Variants in NRIP1 observed in about 807,000 individuals in gnomAD.
The protein encoded by NRIP1 is nuclear receptor-interacting protein 1.
NRIP1 carries 28 observed loss-of-function variants against 75.0 expected under a neutral mutation model. The ratio of observed to expected loss-of-function variants is 0.37; its 90% confidence interval spans 0.28 to 0.51. NRIP1 has a LOEUF of 0.51. Ranked by LOEUF, NRIP1 falls within the 20% of genes least tolerant of loss-of-function variation. The pLI, the probability that NRIP1 is intolerant of heterozygous loss-of-function variation, is 0.92. For synonymous variants in NRIP1, 526 were observed against 487.6 expected (o/e 1.08, Z -1.04); for missense variants, 1,435 against 1,343.7 (o/e 1.07, Z -1.06).
intron 3 of NRIP1, among the ~76,000 whole-genome samples, chr21:14,969,681 A>G (rs955255675): frequency 1.3e-5 from 2 of 152,224 alleles, no homozygotes; most frequent in South Asian, 2.1e-4. Flanking sequence ...CTTGGTCCCT[A>G]TGGAATTTAA....
chr21:14,996,883 T>C (rs2087743361), intron 3 of NRIP1, among the ~76,000 whole-genome samples: 1 of 151,798 alleles, frequency 6.6e-6, no homozygotes, highest in South Asian at 2.1e-4. Context: ...TAAAGATGCT[T>C]ACATGATATA....
At chr21:15,057,952 C>T (rs372031658) in intron 1 of NRIP1, among the ~76,000 whole-genome samples, 2 of 152,182 alleles carry the variant, frequency 1.3e-5, no homozygotes, top group East Asian at 3.9e-4. Context: ...GAAAAGGCAA[C>T]AGCCAAGTAA....
Position 14,961,382 on chromosome 21 carries a change from T to C in NRIP1, c.*3334A>G, listed in dbSNP as rs2086587010. 6.6e-6 allele frequency: 1 copy of C among 152,392 alleles called. No individual in the cohort carries two copies. Among genetic ancestry groups the C allele is most frequent in the Admixed American group, 6.6e-5 (1 of 15,226 alleles). The allele number at this position is 152,392 out of a possible 1,614,324, so 9.4% of individuals were successfully genotyped here. The stretch of plus-strand genomic sequence containing the variant: ...TTAAATTTCTAATAAAAATGGCAAA[T>C]TATATTACTGAGCAGATCGCATCAA... On this transcript the variant is annotated 3_prime_UTR_variant, in exon 4 of 4. Transcript: ENST00000318948.
chr21:15,024,980 A>C (rs2088481488), intron 2 of NRIP1, among the ~76,000 whole-genome samples: 1 of 152,168 alleles, frequency 6.6e-6, no homozygotes, highest in Admixed American at 6.5e-5. Flanking sequence ...TTTTGCATCC[A>C]ATAAATTAAG....
At chr21:14,988,556 C>A (rs1402530327) in intron 3 of NRIP1, among the ~76,000 whole-genome samples, 1 of 150,788 alleles carries the variant, frequency 6.6e-6, no homozygotes, top group Non-Finnish European at 1.5e-5. Context: ...AAAGAAAAAG[C>A]ATTTGGATCT....
chr21:15,059,511 T>C (rs1167824669), intron 1 of NRIP1, among the ~76,000 whole-genome samples: 1 of 151,794 alleles, frequency 6.6e-6, no homozygotes, highest in Non-Finnish European at 1.5e-5. Context: ...GCCCTATGTA[T>C]TGAAAGTGGA....
chr21:15,058,073 A>G (rs2089344275), intron 1 of NRIP1, among the ~76,000 whole-genome samples: 1 of 152,220 alleles, frequency 6.6e-6, no homozygotes, highest in Non-Finnish European at 1.5e-5. Flanking sequence ...ATACTGCTGT[A>G]CAGTCAGAAT....
At chr21:15,018,355 GAGAC>G (rs1238754161) in intron 2 of NRIP1, among the ~76,000 whole-genome samples, 3 of 152,234 alleles carry the variant, frequency 2.0e-5, no homozygotes, top group Admixed American at 1.3e-4. Flanking sequence ...CCATGGGAAA[GAGAC>G]AGGAAAGAAG....
intron 3 of NRIP1, among the ~76,000 whole-genome samples, chr21:15,000,235 C>T (rs1369277138): frequency 6.6e-6 from 1 of 152,162 alleles, no homozygotes; most frequent in East Asian, 1.9e-4. Context: ...CATGTAAAAA[C>T]TCACTACCAT....
chr21:14,972,608 G>C (rs2086932840), intron 3 of NRIP1, among the ~76,000 whole-genome samples: 1 of 152,096 alleles, frequency 6.6e-6, no homozygotes, highest in Non-Finnish European at 1.5e-5. Context: ...AGTATATTTA[G>C]TTACCAATAC....
chr21:15,003,859 G>A (rs1184908696), intron 3 of NRIP1, among the ~76,000 whole-genome samples: 2 of 152,168 alleles, frequency 1.3e-5, no homozygotes, highest in South Asian at 2.1e-4. Flanking sequence ...ATAACAAATC[G>A]ATGAATTAGG....
chr21:14,976,874 C>T (rs766577029), intron 3 of NRIP1, among the ~76,000 whole-genome samples: 1 of 152,162 alleles, frequency 6.6e-6, no homozygotes, highest in Admixed American at 6.5e-5. Context: ...TAAACATCTA[C>T]GAGTTCACTT....
intron 3 of NRIP1, among the ~76,000 whole-genome samples, chr21:14,993,167 T>C (rs2087619858): frequency 6.6e-6 from 1 of 151,904 alleles, no homozygotes; most frequent in Non-Finnish European, 1.5e-5. Context: ...ACCTTTGTGT[T>C]ATCAGTGGTG....
At chr21:15,035,742 G>C (rs910929764) in intron 2 of NRIP1, among the ~76,000 whole-genome samples, 5 of 151,860 alleles carry the variant, frequency 3.3e-5, no homozygotes, top group African/African-American at 1.2e-4. Context: ...ATTTTTAGTA[G>C]GGACGAGGTT....
chr21:15,020,687 T>C (rs2088352890), intron 2 of NRIP1, among the ~76,000 whole-genome samples: 1 of 152,162 alleles, frequency 6.6e-6, no homozygotes, highest in Non-Finnish European at 1.5e-5. Context: ...TTAAAACCCT[T>C]TGAAGTCAGC....
At chr21:15,024,590 GTGTGTGTC>G (rs1555887548) in intron 2 of NRIP1, among the ~76,000 whole-genome samples, 4 of 151,648 alleles carry the variant, frequency 2.6e-5, no homozygotes, top group African/African-American at 4.8e-5. Flanking sequence ...GTGTGTGTGT[GTGTGTGTC>G]TGTGTGTGTG....
intron 2 of NRIP1, among the ~76,000 whole-genome samples, chr21:15,018,986 C>G (rs2088302580): frequency 6.6e-6 from 1 of 151,834 alleles, no homozygotes; most frequent in South Asian, 2.1e-4. Context: ...TTCCCTCTTC[C>G]CTATGTGTAG....
intron 3 of NRIP1, among the ~76,000 whole-genome samples, chr21:15,006,819 A>G (rs2147140631): frequency 6.6e-6 from 1 of 152,304 alleles, no homozygotes; most frequent in African/African-American, 2.4e-5. Context: ...TTTCTTCCTT[A>G]GTCTCTGTGC....
intron 1 of NRIP1, among the ~76,000 whole-genome samples, chr21:15,064,009 A>G (rs1978590592): frequency 6.6e-6 from 1 of 152,204 alleles, no homozygotes; most frequent in African/African-American, 2.4e-5. Context: ...TTTGGAAGGG[A>G]TGGGAGGGTC....
Sources: gnomAD v4.1 joint callset for allele counts (sites outside exome capture counted in the v4.1 genomes callset) on GRCh38, gnomAD v4.1.1 for gene constraint, MANE v1.5 for transcripts, NCBI Gene and HGNC (gene_info 2026-07-23, HGNC 2026-07-21) for gene names.